STARD9: variants seen among roughly 807,000 people sequenced by gnomAD.
STARD9 encodes stAR-related lipid transfer protein 9.
A neutral mutation model predicts 399.8 loss-of-function variants in STARD9; 346 were observed. The ratio of observed to expected loss-of-function variants is 0.87; its 90% CI spans 0.79 to 0.95. The LOEUF is 0.95. Ranked by LOEUF, STARD9 falls within the 40% of genes least tolerant of loss-of-function variation. The pLI is 0.00. For missense variants in STARD9, 5,832 were observed against 5,667.5 expected (o/e 1.03, Z -0.93); for synonymous variants, 2,203 against 2,143.5 (o/e 1.03, Z -0.77).
At chr15:42,581,214 T>C in intron 1 of STARD9, 1 of 783,440 alleles carries the variant, frequency 1.3e-6, no homozygotes, top group Non-Finnish European at 2.4e-6. Context: ...GACTTCTACT[T>C]GTGGAGTCTT....
intron 3 of STARD9, among the ~76,000 whole-genome samples, chr15:42,611,136 A>G (rs1408958096): frequency 6.6e-6 from 1 of 152,186 alleles, no homozygotes; most frequent in East Asian, 1.9e-4. Context: ...GGGCTTGGCA[A>G]ACTATGATCT....
chr15:42,615,745 A>T (rs1403945188), intron 3 of STARD9, among the ~76,000 whole-genome samples: 1 of 151,822 alleles, frequency 6.6e-6, no homozygotes, highest in African/African-American at 2.4e-5. Flanking sequence ...AAGCGTTCCC[A>T]CCTCAGCATG....
intron 3 of STARD9, among the ~76,000 whole-genome samples, chr15:42,589,001 G>A (rs2058342856): frequency 6.6e-6 from 1 of 151,546 alleles, no homozygotes; most frequent in African/African-American, 2.4e-5. Flanking sequence ...TTTTAGTAGA[G>A]ACAGGGTTTC....
rs1399684524 is a variant in STARD9, at chr15:42,686,193, T to C, written c.4615T>C (p.Ser1539Pro). 8 of 1,537,602 alleles carry C rather than the reference T, an allele frequency of 5.2e-6. No individual in the cohort carries two copies. The highest frequency in any genetic ancestry group is 6.1e-6 in the Non-Finnish European group (7 of 1,146,982). Residue 1539 changes from serine to proline, a missense_variant, in exon 23 of 33, where the codon TCT (serine) becomes CCT (proline). Physicochemically the swap from Ser to Pro is moderately conservative, Grantham distance 74. Around this residue, in one of 2 missense-constraint regions of STARD9, gnomAD observed 5,828 missense variants for 5,651.1 expected, o/e 1.03. Transcript: ENST00000290607. Reference sequence around the variant, plus strand: ...TCTATTGCCAGTTGGCCCTAGGGTATCTAGCAATCTGAATCTCAACAACTT... The same window carrying C: ...TCTATTGCCAGTTGGCCCTAGGGTACCTAGCAATCTGAATCTCAACAACTT... ...DTLLPVGPRV[S>P]SNLNLNNFPV...
At chr15:42,673,176 CG>C (rs1054291890) in intron 16 of STARD9, 1 of 151,502 alleles carries the variant, frequency 6.6e-6, no homozygotes, top group Non-Finnish European at 1.5e-5. Context: ...CCAAGGCTAG[CG>C]GATCGCCTGA....
intron 16 of STARD9, chr15:42,671,668 A>T (rs1168592179): frequency 6.6e-6 from 1 of 151,590 alleles, no homozygotes; most frequent in Non-Finnish European, 1.5e-5. Flanking sequence ...ATGTCTGGGC[A>T]TGTAATAAAG....
At chr15:42,631,908 T>TATTC (rs1159285086) in intron 3 of STARD9, among the ~76,000 whole-genome samples, 1 of 152,196 alleles carries the variant, frequency 6.6e-6, no homozygotes, top group Admixed American at 6.5e-5. Context: ...GAAGAATGTG[T>TATTC]ATTCTGCAGC....
At position 42,687,431 on chromosome 15, in the gene STARD9, A is replaced by G; in HGVS notation, c.5853A>G (p.Ser1951=). ...GESAVSLKSR[S]VDRRVSSPVM... is the part of the protein sequence containing the mutation. ...GTGCTGTTTCTTTGAAATCCAGATC[A>G]GTAGATCGTAGAGTAAGCAGCCCAG... is the stretch of plus-strand genomic sequence containing the variant. The change falls in exon 23 of 33, where the codon TCA becomes TCG. Residue 1951 remains serine, a synonymous_variant. Coordinates refer to ENST00000290607, the MANE Select transcript of STARD9 (RefSeq NM_020759.3). 1 of 1,537,176 alleles carries G rather than the reference A, an allele frequency of 6.5e-7. No homozygotes were observed. Among genetic ancestry groups the G allele is most frequent in the Non-Finnish European group, 8.7e-7 (1 of 1,146,918 alleles).
chr15:42,629,135 T>C (rs898578968), intron 3 of STARD9, among the ~76,000 whole-genome samples: 1 of 152,122 alleles, frequency 6.6e-6, no homozygotes, highest in Non-Finnish European at 1.5e-5. Flanking sequence ...TCCTCCCACC[T>C]CAGCCTCCCA....
Position 42,683,356 on chromosome 15 carries a change from T to C in STARD9, c.2538-760T>C, listed in dbSNP as rs75948540. Among the ~76,000 whole-genome samples, 170 of 152,350 alleles carry C rather than the reference T, an allele frequency of 1.1e-3. 1 individual carries two copies. Among genetic ancestry groups the C allele is most frequent in the African/African-American group, 4.0e-3 (166 of 41,574 alleles). On this transcript the variant is annotated intron_variant, in intron 22 of 32. Coordinates refer to ENST00000290607, the MANE Select transcript of STARD9 (RefSeq NM_020759.3). ...TATCACTGATATTATTCAGCAATTA[T>C]TAGGTTTTACACACTTGCCTACCTT...
rs370739059 is a variant in STARD9 at position 42,699,504 on chromosome 15, C to G, written c.13284+3624C>G. ...CGCCTCCCGGGTTCACGCCATTCTC[C>G]TGCCTCAGCCTCCTGAGTAGCTGGG... On this transcript the variant is annotated intron_variant, in intron 26 of 32. Coordinates refer to ENST00000290607, the MANE Select transcript of STARD9 (RefSeq NM_020759.3). Among the ~76,000 whole-genome samples, 1,286 of 148,794 alleles carry G rather than the reference C, an allele frequency of 8.6e-3. 18 individuals are homozygous for G. Among genetic ancestry groups the G allele is most frequent in the African/African-American group, 0.031 (1,225 of 40,104 alleles).
intron 3 of STARD9, among the ~76,000 whole-genome samples, chr15:42,588,797 TTTTTTTTTTTTTTTTTTTGGAG>T (rs2058335920): frequency 3.7e-5 from 1 of 27,146 alleles, no homozygotes; most frequent in African/African-American, 6.1e-5. Flanking sequence ...TTTTTTTTTT[TTTTTTTTTTTTTTTTTTTGGAG>T]TGGGGGGTGG....
intron 3 of STARD9, among the ~76,000 whole-genome samples, chr15:42,601,550 G>A (rs1313896295): frequency 1.3e-5 from 2 of 148,156 alleles, no homozygotes; most frequent in East Asian, 2.0e-4. Flanking sequence ...CCCACCTCCC[G>A]GACGGGGCGG....
At chr15:42,590,309 A>T (rs1174511132) in intron 3 of STARD9, among the ~76,000 whole-genome samples, 1 of 152,120 alleles carries the variant, frequency 6.6e-6, no homozygotes, top group East Asian at 1.9e-4. Context: ...AAGGAATCTC[A>T]TGACTTTGGA....
In STARD9 at chr15:42,676,799, C is replaced by T. The variant is rs192171918; in HGVS notation, c.1874+824C>T. 7.6e-4 allele frequency among the ~76,000 whole-genome samples: 115 copies of T among 152,198 alleles called. 1 individual carries two copies. Among genetic ancestry groups the T allele is most frequent in the African/African-American group, 2.7e-3 (111 of 41,528 alleles). ...TGACATCACTGGTGTTGGGAGGCTGCCAAACACCTTGAGCACAGGGTCTCA... is the reference window on the plus strand; with the variant it reads ...TGACATCACTGGTGTTGGGAGGCTGTCAAACACCTTGAGCACAGGGTCTCA... On this transcript the variant is annotated intron_variant, in intron 20 of 32. Coordinates refer to ENST00000290607, the MANE Select transcript of STARD9 (RefSeq NM_020759.3).
intron 8 of STARD9, 46 bp downstream of exon 8, chr15:42,651,131 T>TA (rs1211589020): frequency 1.5e-6 from 2 of 1,335,096 alleles, no homozygotes; most frequent in South Asian, 1.3e-5. Flanking sequence ...CTCACACTCC[T>TA]ATCCTGTGTT....
intron 10 of STARD9, 25 bp downstream of exon 10, chr15:42,661,250 G>T: frequency 6.8e-7 from 1 of 1,472,492 alleles, no homozygotes; most frequent in Non-Finnish European, 9.2e-7. Flanking sequence ...AAAGCTAAGG[G>T]GAATTACTCT....
At chr15:42,655,882 GA>G (rs910903349) in intron 9 of STARD9, among the ~76,000 whole-genome samples, 1 of 151,772 alleles carries the variant, frequency 6.6e-6, no homozygotes, top group African/African-American at 2.4e-5. Context: ...AAATCAGCAA[GA>G]AAAAAACAGT....
At chr15:42,636,801 C>A (rs923889789) in intron 4 of STARD9, among the ~76,000 whole-genome samples, 1 of 152,042 alleles carries the variant, frequency 6.6e-6, no homozygotes, top group African/African-American at 2.4e-5. Flanking sequence ...CATGTTGGCT[C>A]ACACCTATAA....
Sources: gnomAD v4.1 joint callset for allele counts (sites outside exome capture counted in the v4.1 genomes callset) on GRCh38, gnomAD v4.1.1 for gene constraint, gnomAD v4.1.1 regional missense constraint, MANE v1.5 for transcripts, NCBI Gene and HGNC (gene_info 2026-07-23, HGNC 2026-07-21) for gene names.